Variants in ADGRL3 observed in about 807,000 individuals in gnomAD.
ADGRL3 encodes adhesion G protein-coupled receptor L3, also known as calcium-independent alpha-latrotoxin receptor 3.
ADGRL3 carries 62 observed loss-of-function variants against 153.5 expected under a neutral mutation model. The observed-to-expected ratio is 0.40, with a 90% confidence interval of 0.33 to 0.50. ADGRL3 has a LOEUF of 0.50. ADGRL3 is among the 20% of genes least tolerant of loss of function. The pLI is 0.47. For missense variants in ADGRL3, 1,641 were observed against 1,859.4 expected, an observed-to-expected ratio of 0.88 and a Z score of 2.16; for synonymous variants, 710 against 672.5, an observed-to-expected ratio of 1.06 and a Z score of -0.86.
intron 8 of ADGRL3, among the ~76,000 whole-genome samples, chr4:61,799,555 A>T (rs779411222): frequency 5.9e-5 from 9 of 152,048 alleles, no homozygotes; most frequent in Non-Finnish European, 8.8e-5. Flanking sequence ...CCCCTACTCT[A>T]TGAAATATCT....
chr4:61,210,691 G>GT (rs1739575543), intron 1 of ADGRL3, among the ~76,000 whole-genome samples: 2 of 152,038 alleles, frequency 1.3e-5, no homozygotes, highest in South Asian at 2.1e-4. Flanking sequence ...AACACCTTTT[G>GT]TTTTTTCAAA....
chr4:61,767,796 A>G (rs1030892435), intron 8 of ADGRL3, among the ~76,000 whole-genome samples: 7 of 152,084 alleles, frequency 4.6e-5, no homozygotes, highest in South Asian at 4.1e-4. Flanking sequence ...CCTGGCTGCT[A>G]CAGTTCAGGC....
intron 4 of ADGRL3, among the ~76,000 whole-genome samples, chr4:61,573,744 T>A (rs1033965155): frequency 2.0e-5 from 3 of 151,996 alleles, no homozygotes; most frequent in African/African-American, 7.2e-5. Flanking sequence ...TGAAAAATAC[T>A]TCTTATTGAC....
intron 8 of ADGRL3, among the ~76,000 whole-genome samples, chr4:61,777,340 A>G (rs2152348630): frequency 6.6e-6 from 1 of 152,278 alleles, no homozygotes; most frequent in South Asian, 2.1e-4. Flanking sequence ...ATCTCAAAAA[A>G]AAAAAGAAAA....
At chr4:61,849,615 C>T (rs1168126694) in intron 9 of ADGRL3, among the ~76,000 whole-genome samples, 2 of 152,104 alleles carry the variant, frequency 1.3e-5, no homozygotes, top group African/African-American at 2.4e-5. Flanking sequence ...GGACTGTAAT[C>T]CATTTTACAT....
At chr4:61,457,180 C>T (rs1417918046) in intron 2 of ADGRL3, among the ~76,000 whole-genome samples, 3 of 151,528 alleles carry the variant, frequency 2.0e-5, no homozygotes, top group Non-Finnish European at 4.4e-5. Context: ...TTTATAATGC[C>T]CCAATTTAAT....
chr4:61,990,941 G>A (rs10017760), intron 19 of ADGRL3, among the ~76,000 whole-genome samples: 25,647 of 138,430 alleles, frequency 0.19, 2,719 homozygotes, highest in East Asian at 0.44. Flanking sequence ...AGACTCTTCC[G>A]ATGTTTGAAA....
intron 1 of ADGRL3, among the ~76,000 whole-genome samples, chr4:61,346,746 G>A (rs760137500): frequency 1.4e-5 from 2 of 147,828 alleles, no homozygotes; most frequent in African/African-American, 5.0e-5. Context: ...TTGTGTCACT[G>A]GACTCCAGCC....
intron 5 of ADGRL3, among the ~76,000 whole-genome samples, chr4:61,654,869 C>T (rs1183697733): frequency 6.6e-6 from 1 of 152,074 alleles, no homozygotes; most frequent in Non-Finnish European, 1.5e-5. Context: ...TGCACTCCAG[C>T]TTGGGCAACA....
intron 1 of ADGRL3, among the ~76,000 whole-genome samples, chr4:61,362,607 A>G (rs2151519633): frequency 6.6e-6 from 1 of 151,992 alleles, no homozygotes; most frequent in Admixed American, 6.6e-5. Context: ...TGTTATTAAG[A>G]AAATCATATG....
intron 8 of ADGRL3, among the ~76,000 whole-genome samples, chr4:61,736,561 G>C (rs947053833): frequency 2.0e-5 from 3 of 152,188 alleles, no homozygotes; most frequent in Admixed American, 2.0e-4. Context: ...GGGAGGTTGA[G>C]GCAGGAGAAT....
At chr4:61,470,353 T>C (rs2097933527) in intron 2 of ADGRL3, among the ~76,000 whole-genome samples, 1 of 151,918 alleles carries the variant, frequency 6.6e-6, no homozygotes, top group African/African-American at 2.4e-5. Flanking sequence ...AGCCTAATTG[T>C]CTGCAGGAGG....
chr4:61,795,147 A>C (rs1249446169), intron 8 of ADGRL3, among the ~76,000 whole-genome samples: 1 of 152,268 alleles, frequency 6.6e-6, no homozygotes. Context: ...AAATTTATGT[A>C]TTTATTTTTT....
At chr4:61,219,357 T>A (rs1744322600) in intron 1 of ADGRL3, among the ~76,000 whole-genome samples, 1 of 152,228 alleles carries the variant, frequency 6.6e-6, no homozygotes, top group Non-Finnish European at 1.5e-5. Flanking sequence ...AAAGCCATTC[T>A]CTGAAGACCT....
rs963740028 is a variant in ADGRL3, at chr4:61,375,149, TA to T, written c.-239-7966del. 2.9e-4 allele frequency among the ~76,000 whole-genome samples: 44 copies of T among 151,526 alleles called. 1 individual carries two copies. The highest frequency in any genetic ancestry group is 1.0e-3 in the South Asian group (5 of 4,790). ...GAGTTTACAAAAATTTGGTAACTCT[TA>T]AAAAAAAATCTATCATGAGTCTGTA... is the stretch of plus-strand genomic sequence containing the variant. On this transcript the variant is annotated intron_variant, in intron 1 of 26. Transcript: ENST00000683033.
intron 4 of ADGRL3, among the ~76,000 whole-genome samples, chr4:61,562,109 G>T (rs1420263982): frequency 6.6e-6 from 1 of 152,104 alleles, no homozygotes; most frequent in Non-Finnish European, 1.5e-5. Flanking sequence ...ACTTCTCAAT[G>T]CATATAAAAT....
intron 13 of ADGRL3, 56 bp from the exon 14 acceptor site, chr4:61,934,784 C>A: frequency 7.1e-7 from 1 of 1,406,524 alleles, no homozygotes. Flanking sequence ...ACCTGGATTT[C>A]TGACAGCTAT....
At chr4:61,646,657 G>A (rs1234753475) in intron 5 of ADGRL3, among the ~76,000 whole-genome samples, 1 of 152,038 alleles carries the variant, frequency 6.6e-6, no homozygotes, top group Non-Finnish European at 1.5e-5. Flanking sequence ...GCTGCGTGCT[G>A]GGAGAACCAC....
intron 5 of ADGRL3, among the ~76,000 whole-genome samples, chr4:61,590,548 G>A (rs1000109297): frequency 2.0e-5 from 3 of 152,042 alleles, no homozygotes; most frequent in African/African-American, 7.2e-5. Flanking sequence ...AGTTTACAAC[G>A]TGCAGTTTAC....
Sources: gnomAD v4.1 joint callset for allele counts (sites outside exome capture counted in the v4.1 genomes callset) on GRCh38, gnomAD v4.1.1 for gene constraint, MANE v1.5 for transcripts, NCBI Gene and HGNC (gene_info 2026-07-23, HGNC 2026-07-21) for gene names.